Variants in FGF14 observed in about 807,000 individuals in gnomAD.
FGF14 encodes the protein fibroblast growth factor homologous factor 4.
FGF14 carries 5 observed loss-of-function variants against 25.5 expected under a neutral mutation model. The ratio of observed to expected loss-of-function variants is 0.20; its 90% CI spans 0.10 to 0.41. The LOEUF (loss-of-function observed/expected upper bound fraction) is 0.41, where lower values mean the gene tolerates loss of function less well. FGF14 is among the 10% of genes least tolerant of loss of function. FGF14 has a pLI of 1.00. For synonymous variants in FGF14, 138 were observed against 118.3 expected, an observed-to-expected ratio of 1.17 and a Z score of -1.08; for missense variants, 222 against 320.1, an observed-to-expected ratio of 0.69 and a Z score of 2.34.
intron 1 of FGF14, among the ~76,000 whole-genome samples, chr13:101,952,303 T>C (rs2139398100): frequency 6.6e-6 from 1 of 152,234 alleles, no homozygotes; most frequent in East Asian, 1.9e-4. Flanking sequence ...TCATCAGAAG[T>C]TTCCCTTTGT....
chr13:101,812,641 ATATATATATATATTTTTTTTTTTTT>A (rs1182402333), intron 3 of FGF14, among the ~76,000 whole-genome samples: 3 of 10,856 alleles, frequency 2.8e-4, no homozygotes, highest in African/African-American at 5.7e-4. Flanking sequence ...ATATATATAT[ATATATATATATATTTTTTTTTTTTT>A]TTTTTTTTTT....
At position 101,936,705 on chromosome 13, in the gene FGF14, C is replaced by A. The variant is rs374881426; in HGVS notation, c.209-61409G>T. 6.6e-5 allele frequency among the ~76,000 whole-genome samples: 10 copies of A among 152,292 alleles called. No individual in the cohort carries two copies. The East Asian group carries it at 1.7e-3, about 26-fold the overall frequency. ...TTATTTTTCTTGTTTCCAGAGCAAG[C>A]AATGAATGCTATTTGTTCACTATCT... On this transcript the variant is annotated intron_variant, in intron 1 of 4. Coordinates refer to the FGF14 transcript ENST00000376131.
intron 1 of FGF14, among the ~76,000 whole-genome samples, chr13:102,345,379 T>A (rs532316874): frequency 3.3e-5 from 5 of 152,320 alleles, no homozygotes; most frequent in African/African-American, 1.2e-4. Flanking sequence ...ATGGCACTAC[T>A]TTGGCATGTC....
intron 3 of FGF14, among the ~76,000 whole-genome samples, chr13:101,826,635 A>C (rs958093508): frequency 2.6e-5 from 4 of 152,066 alleles, no homozygotes; most frequent in Non-Finnish European, 5.9e-5. Flanking sequence ...TTATATAGTA[A>C]AATCTATTAA....
intron 1 of FGF14, among the ~76,000 whole-genome samples, chr13:102,299,203 C>T (rs1458301686): frequency 6.6e-6 from 1 of 152,180 alleles, no homozygotes; most frequent in South Asian, 2.1e-4. Context: ...CGGTTATTTA[C>T]AAATTCAGCT....
intron 3 of FGF14, among the ~76,000 whole-genome samples, chr13:101,796,456 C>T (rs765975359): frequency 2.0e-5 from 3 of 151,870 alleles, no homozygotes; most frequent in Non-Finnish European, 2.9e-5. Context: ...TTTTTGTGGC[C>T]TCTTACCATC....
At chr13:101,741,566 G>A (rs937891315) in intron 3 of FGF14, among the ~76,000 whole-genome samples, 2 of 150,992 alleles carry the variant, frequency 1.3e-5, no homozygotes, top group African/African-American at 4.9e-5. Flanking sequence ...GATGTCAACG[G>A]CAAATCCACC....
chr13:101,991,115 G>A lies in FGF14; in HGVS notation c.209-115819C>T, dbSNP rs376774061. Reference sequence around the variant, plus strand: ...ACAGATAATGAATTTCTCAAGATTCGTTATATAACCAATATATGCTTTAAA... The same window carrying A: ...ACAGATAATGAATTTCTCAAGATTCATTATATAACCAATATATGCTTTAAA... On this transcript the variant is annotated intron_variant, in intron 1 of 4. Coordinates refer to the FGF14 transcript ENST00000376131. Among the ~76,000 whole-genome samples, 115 of 152,058 alleles carry A rather than the reference G, an allele frequency of 7.6e-4. 1 individual carries two copies. Among genetic ancestry groups the A allele is most frequent in the South Asian group, 5.6e-3 (27 of 4,812 alleles).
intron 1 of FGF14, among the ~76,000 whole-genome samples, chr13:101,933,650 G>A (rs2034910578): frequency 6.6e-6 from 1 of 152,096 alleles, no homozygotes; most frequent in South Asian, 2.1e-4. Context: ...CTTAAATCTG[G>A]GAGGCAGAGG....
chr13:102,055,759 C>A (rs1392642114), intron 1 of FGF14, among the ~76,000 whole-genome samples: 1 of 152,200 alleles, frequency 6.6e-6, no homozygotes, highest in African/African-American at 2.4e-5. Context: ...GCAAATAAAG[C>A]TTTTGTATTA....
chr13:101,818,456 AATTGTGAAAGACC>A (rs2041949078), intron 3 of FGF14, among the ~76,000 whole-genome samples: 1 of 152,172 alleles, frequency 6.6e-6, no homozygotes, highest in South Asian at 2.1e-4. Context: ...GCTTTCTTAT[AATTGTGAAAGACC>A]ATTGAAAAAT....
At chr13:102,074,903 A>T (rs942833762) in intron 1 of FGF14, among the ~76,000 whole-genome samples, 14 of 152,238 alleles carry the variant, frequency 9.2e-5, no homozygotes, top group African/African-American at 3.4e-4. Flanking sequence ...TTCTTAATAA[A>T]TTAGATATAG....
At chr13:102,068,467 T>A (rs1010404966) in intron 1 of FGF14, among the ~76,000 whole-genome samples, 9 of 152,004 alleles carry the variant, frequency 5.9e-5, no homozygotes, top group African/African-American at 2.2e-4. Context: ...TGCAGGTAGG[T>A]GTGGAGGGAG....
chr13:102,289,079 A>G (rs1287770224), intron 1 of FGF14, among the ~76,000 whole-genome samples: 1 of 152,160 alleles, frequency 6.6e-6, no homozygotes, highest in Non-Finnish European at 1.5e-5. Flanking sequence ...ACATCAGAGA[A>G]GTAGGGATTC....
chr13:102,146,116 C>G (rs2046843156), intron 1 of FGF14, among the ~76,000 whole-genome samples: 3 of 152,178 alleles, frequency 2.0e-5, no homozygotes, highest in Admixed American at 2.0e-4. Context: ...TTCCTGGTTG[C>G]TTGTACAAAG....
At chr13:102,347,423 CCCT>C (rs149021944) in intron 1 of FGF14, among the ~76,000 whole-genome samples, 115 of 152,162 alleles carry the variant, frequency 7.6e-4, no homozygotes, top group African/African-American at 2.5e-3. Context: ...CAGAAGACCC[CCCT>C]GAGATGGTGA....
At chr13:102,055,366 T>C (rs1487297774) in intron 1 of FGF14, among the ~76,000 whole-genome samples, 1 of 152,244 alleles carries the variant, frequency 6.6e-6, no homozygotes, top group Non-Finnish European at 1.5e-5. Context: ...TGCTTTCCTC[T>C]AGAGGGATTA....
intron 1 of FGF14, among the ~76,000 whole-genome samples, chr13:101,907,208 A>T (rs1399831052): frequency 6.6e-6 from 1 of 152,172 alleles, no homozygotes; most frequent in African/African-American, 2.4e-5. Flanking sequence ...GATGAAAGGA[A>T]TATTCTTCCC....
chr13:102,247,213 A>G (rs2051920775), intron 1 of FGF14, among the ~76,000 whole-genome samples: 3 of 152,096 alleles, frequency 2.0e-5, no homozygotes, highest in Non-Finnish European at 2.9e-5. Flanking sequence ...AACAATCTCA[A>G]CAAAAGCAAA....
Sources: allele counts gnomAD v4.1 joint callset (sites outside exome capture counted in the v4.1 genomes callset), GRCh38; gene constraint gnomAD v4.1.1; transcripts MANE v1.5; gene names NCBI Gene and HGNC (gene_info 2026-07-23, HGNC 2026-07-21).